Variants in SH3BP4 observed in about 807,000 individuals in gnomAD.
The protein encoded by SH3BP4 is SH3 domain binding protein 4, also known as SH3 domain-binding protein 4.
A neutral mutation model predicts 65.5 loss-of-function variants in SH3BP4; 33 were observed. The observed-to-expected ratio is 0.50, with a 90% CI of 0.38 to 0.67. SH3BP4 has a LOEUF of 0.67. Among genes scored for constraint, SH3BP4 ranks in the 30% least tolerant of loss-of-function variants. The pLI is 0.00. For synonymous variants in SH3BP4, 552 were observed against 545.5 expected, an observed-to-expected ratio of 1.01 and a Z score of -0.17; for missense variants, 1,134 against 1,261.4, an observed-to-expected ratio of 0.90 and a Z score of 1.53.
intron 1 of SH3BP4, among the ~76,000 whole-genome samples, chr2:234,966,820 T>C: frequency 6.6e-6 from 1 of 152,256 alleles, no homozygotes; most frequent in East Asian, 1.9e-4. Flanking sequence ...GTCAAACTAA[T>C]GTGAACGTTG....
intron 1 of SH3BP4, among the ~76,000 whole-genome samples, chr2:234,987,339 G>A (rs965549749): frequency 2.8e-5 from 4 of 141,856 alleles, no homozygotes; most frequent in African/African-American, 1.0e-4. Flanking sequence ...AAAAAAAAAA[G>A]ACAGGGTCCC....
In SH3BP4 at chr2:235,035,297, A is replaced by G. The variant is rs76144005; in HGVS notation, c.118+177A>G. 3.5e-3 allele frequency among the ~76,000 whole-genome samples: 527 copies of G among 152,236 alleles called. 4 individuals carry two copies. The highest frequency in any genetic ancestry group is 0.012 in the African/African-American group (498 of 41,534). ...CCCTGGAATCATAGTCACTTGTCTT[A>G]TTTTTTGGTTCCCCCTTATTAGTGA... is the stretch of plus-strand genomic sequence containing the variant. On this transcript the variant is annotated intron_variant, in intron 3 of 5. Coordinates refer to ENST00000392011, the MANE Select transcript of SH3BP4 (RefSeq NM_014521.3). The surrounding 1 kb of genome is among the most constrained non-coding windows in gnomAD (Gnocchi z 5.0).
chr2:235,044,922 A>G (rs1695795594), intron 4 of SH3BP4, among the ~76,000 whole-genome samples: 1 of 152,180 alleles, frequency 6.6e-6, no homozygotes, highest in South Asian at 2.1e-4. Context: ...AGCGGCCGTC[A>G]GGGGGGCCAC....
chr2:234,966,078 GGGAGAAAGA>G (rs1692828944), intron 1 of SH3BP4, among the ~76,000 whole-genome samples: 1 of 152,128 alleles, frequency 6.6e-6, no homozygotes, highest in African/African-American at 2.4e-5. Context: ...AGTAAACTTC[GGGAGAAAGA>G]GGAGAAAGAG....
chr2:235,020,071 A>G (rs192891615), intron 2 of SH3BP4, among the ~76,000 whole-genome samples: 96 of 152,332 alleles, frequency 6.3e-4, no homozygotes, highest in Admixed American at 2.0e-3. Flanking sequence ...TAAGAGAAAG[A>G]ACGGGAAAGG....
chr2:235,019,636 A>G (rs1458775082), intron 2 of SH3BP4, among the ~76,000 whole-genome samples: 2 of 151,806 alleles, frequency 1.3e-5, no homozygotes, highest in Non-Finnish European at 2.9e-5. Flanking sequence ...GGGTTTCACC[A>G]TGTTGGTCAG....
rs191033410 is a variant in SH3BP4, at chr2:234,989,333, A to C, written c.-206-5970A>C. ...AGCCAGCTCTAGAAAGAAACCTTGA[A>C]ATGGATGTTGGGCCCGTTCCCGTCT... On this transcript the variant is annotated intron_variant, in intron 1 of 5. Coordinates refer to ENST00000392011, the MANE Select transcript of SH3BP4 (RefSeq NM_014521.3). Among the ~76,000 whole-genome samples the C allele has an allele frequency of 2.6e-5, 4 of 152,224 alleles. No individual in the cohort carries two copies. The East Asian group carries it at 7.7e-4, about 29-fold the overall frequency.
intron 1 of SH3BP4, among the ~76,000 whole-genome samples, chr2:234,990,029 ATGT>A (rs1693701321): frequency 1.3e-5 from 2 of 152,260 alleles, no homozygotes; most frequent in Admixed American, 6.5e-5. Context: ...ATTATGTAAA[ATGT>A]TGTATAAAAT....
intron 2 of SH3BP4, among the ~76,000 whole-genome samples, chr2:235,019,267 T>A (rs529908410): frequency 6.6e-6 from 1 of 151,868 alleles, no homozygotes; most frequent in East Asian, 1.9e-4. Flanking sequence ...AGGTGAGTGA[T>A]GGTGCACACA....
At chr2:235,004,538 G>T (rs563558184) in intron 2 of SH3BP4, among the ~76,000 whole-genome samples, 1 of 152,060 alleles carries the variant, frequency 6.6e-6, no homozygotes, top group African/African-American at 2.4e-5. Context: ...CCTCCTTCCC[G>T]CCCCTGACAA....
chr2:234,967,318 G>A lies in SH3BP4; in HGVS notation c.-207+15148G>A, dbSNP rs938026915. Reference sequence around the variant, plus strand: ...TGTGGGAGGTAGGGAACCTGAGGTCGCAGATGACGTGTGAGGGTGGGCGGG... The same window carrying A: ...TGTGGGAGGTAGGGAACCTGAGGTCACAGATGACGTGTGAGGGTGGGCGGG... On this transcript the variant is annotated intron_variant, in intron 1 of 5. Transcript: ENST00000392011. The surrounding 1 kb of genome is among the most constrained non-coding windows in gnomAD (Gnocchi z 4.6). Among the ~76,000 whole-genome samples, 17 of 152,194 alleles carry A rather than the reference G, an allele frequency of 1.1e-4. No individual in the cohort carries two copies. Among genetic ancestry groups the A allele is most frequent in the Non-Finnish European group, 1.5e-4 (10 of 68,028 alleles).
chr2:234,977,043 G>T lies in SH3BP4; in HGVS notation c.-206-18260G>T, dbSNP rs970942646. 6.6e-6 allele frequency among the ~76,000 whole-genome samples: 1 copy of T among 152,254 alleles called. No homozygotes were observed. The highest frequency in any genetic ancestry group is 2.1e-4 in the South Asian group (1 of 4,836). ...CCTGTAAGACACTCACAGGGAAGCC[G>T]GGTGGCGGGAGGCCTGTGGGAATTC... On this transcript the variant is annotated intron_variant, in intron 1 of 5. Transcript: ENST00000392011. This position sits in a 1 kb window ranked among gnomAD's most constrained non-coding sequence, Gnocchi z 5.1.
At chr2:234,968,528 G>A (rs1336657875) in intron 1 of SH3BP4, among the ~76,000 whole-genome samples, 1 of 152,028 alleles carries the variant, frequency 6.6e-6, no homozygotes, top group East Asian at 1.9e-4. Context: ...CAGTGTTTGT[G>A]GTTATTCCTT....
chr2:234,983,677 T>C (rs982594012), intron 1 of SH3BP4, among the ~76,000 whole-genome samples: 1 of 152,204 alleles, frequency 6.6e-6, no homozygotes, highest in Non-Finnish European at 1.5e-5. Context: ...GGACCCTAAA[T>C]GTTATCACGG....
chr2:235,053,516 A>G, intron 5 of SH3BP4, 76 bp from the exon 6 acceptor site: 4 of 1,115,648 alleles, frequency 3.6e-6, no homozygotes, highest in Admixed American at 1.9e-5. Flanking sequence ...ACCAAGTAAT[A>G]GGAACAAATC....
rs1342267517 is a variant in SH3BP4, at chr2:235,026,985, A to G, written c.-132-7886A>G. Among the ~76,000 whole-genome samples the G allele has an allele frequency of 2.6e-5, 4 of 152,180 alleles. No individual in the cohort carries two copies. In the South Asian group the frequency reaches 8.3e-4, roughly 31 times the overall value. ...GGCGAGATCAGGCACGTTCAGGGTG[A>G]TATGACGATAGACAGTGCTCCAGGA... On this transcript the variant is annotated intron_variant, in intron 2 of 5. Coordinates refer to ENST00000392011, the MANE Select transcript of SH3BP4 (RefSeq NM_014521.3). The surrounding 1 kb of genome is among the most constrained non-coding windows in gnomAD (Gnocchi z 4.6).
chr2:235,039,374 G>A (rs913423113), intron 3 of SH3BP4, among the ~76,000 whole-genome samples: 15 of 152,034 alleles, frequency 9.9e-5, no homozygotes, highest in African/African-American at 1.5e-4. Flanking sequence ...GGTCGGGGGG[G>A]CAATTTGATA....
chr2:234,956,369 A>G (rs944528302), intron 1 of SH3BP4, among the ~76,000 whole-genome samples: 1 of 152,204 alleles, frequency 6.6e-6, no homozygotes, highest in African/African-American at 2.4e-5. Context: ...TCCTCTTTAC[A>G]ATCAAATAAA....
At chr2:235,029,423 C>T (rs572164652) in intron 2 of SH3BP4, among the ~76,000 whole-genome samples, 2 of 152,118 alleles carry the variant, frequency 1.3e-5, no homozygotes, top group East Asian at 1.9e-4. Flanking sequence ...GGTTCAGGAA[C>T]CACTTGTTAA....
Sources: allele counts gnomAD v4.1 joint callset (sites outside exome capture counted in the v4.1 genomes callset), GRCh38; gene constraint gnomAD v4.1.1; non-coding constraint Gnocchi (gnomAD v3.1); transcripts MANE v1.5; gene names NCBI Gene and HGNC (gene_info 2026-07-23, HGNC 2026-07-21).